The following HNF4G variants were observed in gnomAD, a reference collection of about 807,000 sequenced individuals.
The protein encoded by HNF4G is hepatocyte nuclear factor 4-gamma.
Under a neutral mutation model 50.9 loss-of-function variants are expected in HNF4G, and 21 were observed. The observed-to-expected ratio is 0.41, with a 90% CI of 0.29 to 0.59. The LOEUF (loss-of-function observed/expected upper bound fraction) is 0.59. Ranked by LOEUF, HNF4G falls within the 20% of genes least tolerant of loss-of-function variation. The probability of loss-of-function intolerance (pLI) is 0.26; values close to 1 mark genes in which losing one functional copy is unlikely to be tolerated. For missense variants in HNF4G, 527 were observed against 559.4 expected, an observed-to-expected ratio of 0.94 and a Z score of 0.58; for synonymous variants, 198 against 185.6, an observed-to-expected ratio of 1.07 and a Z score of -0.54.
chr8:75,499,618 C>T (rs1482754881), intron 2 of HNF4G, among the ~76,000 whole-genome samples: 2 of 151,890 alleles, frequency 1.3e-5, no homozygotes, highest in African/African-American at 4.8e-5. Context: ...ATGACCCACA[C>T]TTTCCAATTT....
At chr8:75,504,259 AC>A (rs869262642) in intron 2 of HNF4G, among the ~76,000 whole-genome samples, 13,376 of 149,414 alleles carry the variant, frequency 0.09, 703 homozygotes, top group South Asian at 0.11. Context: ...ACACACACAC[AC>A]ACACACACAC....
chr8:75,460,070 G>A (rs113968279), intron 1 of HNF4G, among the ~76,000 whole-genome samples: 345 of 80,102 alleles, frequency 4.3e-3, no homozygotes, highest in African/African-American at 0.027. Flanking sequence ...CAATACGTAC[G>A]TTCTGAAGAA....
At chr8:75,487,647 A>G (rs986855040) in intron 1 of HNF4G, among the ~76,000 whole-genome samples, 1 of 152,166 alleles carries the variant, frequency 6.6e-6, no homozygotes. Flanking sequence ...CCAGTTCTCA[A>G]TTATGAATTT....
intron 2 of HNF4G, among the ~76,000 whole-genome samples, chr8:75,544,409 G>A (rs1014133623): frequency 1.2e-4 from 19 of 152,188 alleles, no homozygotes; most frequent in Non-Finnish European, 8.8e-5. Flanking sequence ...TTTAATAAGA[G>A]TATTTTTCTT....
intron 1 of HNF4G, among the ~76,000 whole-genome samples, chr8:75,411,319 G>A (rs991310587): frequency 6.6e-6 from 1 of 152,196 alleles, no homozygotes. Flanking sequence ...CCTGGGGAAG[G>A]CACTTTTCTA....
chr8:75,564,833 A>G lies in HNF4G; in HGVS notation c.*737A>G, dbSNP rs1807415645. 6.6e-6 allele frequency: 1 copy of G among 152,190 alleles called. No homozygotes were observed. The highest frequency in any genetic ancestry group is 2.4e-5 in the African/African-American group (1 of 41,458). 9.4% of individuals were successfully genotyped at this position (152,190 alleles called of 1,614,324 possible). A position where few individuals can be genotyped will look rare whatever the true frequency, so the allele number is the denominator to read the frequency against. ...AGTGACTAAATCAAGAGAGGAATCT[A>G]TTTCTTTCTCCTGAAACAATTTAGA... On this transcript the variant is annotated 3_prime_UTR_variant, in exon 10 of 10. Transcript: ENST00000396423.
chr8:75,487,414 G>A (rs1812523764), intron 1 of HNF4G, among the ~76,000 whole-genome samples: 1 of 151,948 alleles, frequency 6.6e-6, no homozygotes, highest in Admixed American at 6.6e-5. Context: ...ATCTTTAATG[G>A]CTTCCAATCA....
chr8:75,540,497 G>A (rs375914172), intron 1 of HNF4G, among the ~76,000 whole-genome samples: 4 of 152,090 alleles, frequency 2.6e-5, no homozygotes, highest in African/African-American at 9.7e-5. Context: ...TTCACTGATT[G>A]TCTACCCTTT....
chr8:75,464,800 C>T (rs962781208), intron 1 of HNF4G, among the ~76,000 whole-genome samples: 3 of 152,058 alleles, frequency 2.0e-5, no homozygotes, highest in African/African-American at 7.2e-5. Context: ...AAATAGTGTA[C>T]AGGAAAACAC....
At chr8:75,416,768 A>C (rs1810646891) in intron 1 of HNF4G, among the ~76,000 whole-genome samples, 1 of 152,220 alleles carries the variant, frequency 6.6e-6, no homozygotes, top group Non-Finnish European at 1.5e-5. Context: ...TTCTTTTAAA[A>C]TAAATTTGCA....
At chr8:75,511,265 A>G (rs1285555254) in intron 2 of HNF4G, among the ~76,000 whole-genome samples, 4 of 152,322 alleles carry the variant, frequency 2.6e-5, no homozygotes, top group African/African-American at 4.8e-5. Context: ...CCATGTGGAT[A>G]TCAACTTTTG....
intron 5 of HNF4G, 116 bp downstream of exon 5, chr8:75,553,313 T>C: frequency 1.2e-6 from 1 of 815,936 alleles, no homozygotes; most frequent in Non-Finnish European, 1.9e-6. Context: ...TGGCAAAAGA[T>C]AAATTAGGAG....
chr8:75,434,600 A>G (rs1218255334), intron 1 of HNF4G, among the ~76,000 whole-genome samples: 1 of 152,028 alleles, frequency 6.6e-6, no homozygotes, highest in Admixed American at 6.6e-5. Context: ...TAGCGAATGA[A>G]AAATAGGGAG....
chr8:75,555,402 T>A (rs567520148), intron 5 of HNF4G, among the ~76,000 whole-genome samples: 1 of 152,274 alleles, frequency 6.6e-6, no homozygotes, highest in East Asian at 1.9e-4. Context: ...CGAATGAAGC[T>A]CAGTTGAGAG....
intron 2 of HNF4G, among the ~76,000 whole-genome samples, chr8:75,526,709 T>TAAAA (rs1278110843): frequency 8.6e-5 from 13 of 151,952 alleles, no homozygotes; most frequent in African/African-American, 3.1e-4. Flanking sequence ...ATTAAAATTT[T>TAAAA]TTTTTTTTTT....
intron 1 of HNF4G, among the ~76,000 whole-genome samples, chr8:75,415,230 T>G (rs1810605368): frequency 6.6e-6 from 1 of 152,166 alleles, no homozygotes; most frequent in African/African-American, 2.4e-5. Context: ...TTGTTTGTTT[T>G]TTTTCATTAT....
chr8:75,552,940 G>T, intron 4 of HNF4G, 102 bp from the exon 5 acceptor site: 3 of 673,430 alleles, frequency 4.5e-6, no homozygotes, highest in Non-Finnish European at 4.9e-6. Context: ...CAACAATAGT[G>T]CCTACTTCTA....
chr8:75,494,919 T>C (rs983336941), intron 2 of HNF4G, among the ~76,000 whole-genome samples: 3 of 152,212 alleles, frequency 2.0e-5, no homozygotes, highest in African/African-American at 4.8e-5. Flanking sequence ...CTGCTATCTA[T>C]AAGCAAGGTG....
chr8:75,465,418 G>C (rs1012415241), intron 1 of HNF4G, among the ~76,000 whole-genome samples: 3 of 152,080 alleles, frequency 2.0e-5, no homozygotes, highest in African/African-American at 7.2e-5. Context: ...GCATAAGAAA[G>C]TCAAGAAAAT....
Sources: allele counts gnomAD v4.1 joint callset (sites outside exome capture counted in the v4.1 genomes callset), GRCh38; gene constraint gnomAD v4.1.1; transcripts MANE v1.5; gene names NCBI Gene and HGNC (gene_info 2026-07-23, HGNC 2026-07-21).